SMC3: variants seen among roughly 807,000 people sequenced by gnomAD.
The protein encoded by SMC3 is structural maintenance of chromosomes 3.
SMC3 carries 20 observed loss-of-function variants against 171.8 expected under a neutral mutation model. The observed-to-expected ratio is 0.12, with a 90% confidence interval of 0.08 to 0.17. The LOEUF is 0.17. Among genes scored for constraint, SMC3 ranks in the 10% least tolerant of loss-of-function variants. The probability of loss-of-function intolerance (pLI) is 1.00; values close to 1 mark genes in which losing one functional copy is unlikely to be tolerated. For missense variants in SMC3, 543 were observed against 1,420.4 expected (o/e 0.38, Z 9.93); for synonymous variants, 464 against 451.1 (o/e 1.03, Z -0.36).
At chr10:110,577,146 G>C (rs773339606) in intron 4 of SMC3, among the ~76,000 whole-genome samples, 27 of 152,098 alleles carry the variant, frequency 1.8e-4, no homozygotes, top group Admixed American at 3.9e-4. Flanking sequence ...AGAATCAAAA[G>C]CTATTTGGTT....
chr10:110,585,290 A>ATTTT (rs111694406), intron 13 of SMC3, among the ~76,000 whole-genome samples: 15 of 123,686 alleles, frequency 1.2e-4, no homozygotes, highest in Admixed American at 1.7e-4. Flanking sequence ...GATAGTAACA[A>ATTTT]TTTTTTTTTT....
At chr10:110,576,385 T>C (rs556716173) in intron 4 of SMC3, among the ~76,000 whole-genome samples, 2 of 152,282 alleles carry the variant, frequency 1.3e-5, no homozygotes, top group African/African-American at 4.8e-5. Context: ...ATAAGCACGA[T>C]GATTGGGTTT....
intron 7 of SMC3, among the ~76,000 whole-genome samples, chr10:110,579,852 A>C (rs1274652842): frequency 6.6e-6 from 1 of 152,182 alleles, no homozygotes; most frequent in Non-Finnish European, 1.5e-5. Context: ...GATAATTTCA[A>C]TTTTTTAATG....
chr10:110,567,718 C>T lies in SMC3; in HGVS notation c.-99C>T, dbSNP rs148267784. On this transcript the variant is annotated 5_prime_UTR_variant, in exon 1 of 29. Coordinates refer to ENST00000361804, the MANE Select transcript of SMC3 (RefSeq NM_005445.4). The stretch of plus-strand genomic sequence containing the variant: ...TTGTTTGGCTGAGGGGAGCGAGCGG[C>T]GCTTTGGGGGAGGGGTCGCGTAGGC... 94 of 1,451,822 alleles carry T rather than the reference C, an allele frequency of 6.5e-5. 1 individual carries two copies. The East Asian group carries it at 2.0e-3, about 31-fold the overall frequency. The allele number at this position is 1,451,822 out of a possible 1,614,324, so 89.9% of individuals were successfully genotyped here.
At position 110,591,131 on chromosome 10, in the gene SMC3, A is replaced by G. The variant is rs571241713; in HGVS notation, c.1811A>G (p.Asn604Ser). The G allele has an allele frequency of 6.2e-6, 10 of 1,613,442 alleles. No homozygotes were observed. Among genetic ancestry groups the G allele is most frequent in the Admixed American group, 1.7e-5 (1 of 60,028 alleles). ...DVRDTAYPET[N>S]DAIPMISKLR... Reference sequence around the variant, plus strand: ...AGGGATACAGCCTATCCTGAAACCAATGTGAGTCATTGTGTGATAAGGTGT... The same window carrying G: ...AGGGATACAGCCTATCCTGAAACCAGTGTGAGTCATTGTGTGATAAGGTGT... The change falls in exon 17 of 29, where the codon AAT becomes AGT. Residue 604 changes from asparagine (N) to serine (S), a missense_variant and splice_region_variant. Around this residue, in one of 8 missense-constraint regions of SMC3, gnomAD observed 218 missense variants for 509.6 expected, o/e 0.43. Coordinates refer to ENST00000361804, the MANE Select transcript of SMC3 (RefSeq NM_005445.4).
At chr10:110,600,863 CT>C (rs1046674215) in intron 22 of SMC3, among the ~76,000 whole-genome samples, 158 bp from the exon 23 acceptor site, 4 of 151,814 alleles carry the variant, frequency 2.6e-5, no homozygotes, top group East Asian at 1.9e-4. Context: ...GTAATTGTGT[CT>C]TTTTTTTCTT....
intron 21 of SMC3, 62 bp downstream of exon 21, chr10:110,599,874 T>TTC: frequency 6.8e-7 from 1 of 1,480,310 alleles, no homozygotes; most frequent in South Asian, 1.1e-5. Flanking sequence ...AAAAGGGCCT[T>TTC]TCTTGCTAAC....
At chr10:110,582,166 C>A in intron 9 of SMC3, 68 bp downstream of exon 9, 1 of 1,291,042 alleles carries the variant, frequency 7.7e-7, no homozygotes, top group Non-Finnish European at 1.1e-6. Flanking sequence ...TAAACTCAGG[C>A]CATAATTACA....
chr10:110,602,271 T>C, intron 25 of SMC3, 93 bp downstream of exon 25: 1 of 1,195,110 alleles, frequency 8.4e-7, no homozygotes, highest in South Asian at 1.3e-5. Flanking sequence ...GTTTTCCTCA[T>C]TACCAGGTGA....
chr10:110,597,755 T>C (rs1409167692), intron 19 of SMC3, among the ~76,000 whole-genome samples: 1 of 152,258 alleles, frequency 6.6e-6, no homozygotes, highest in Non-Finnish European at 1.5e-5. Flanking sequence ...GCAAGAACTC[T>C]TCATACATAA....
At position 110,577,501 on chromosome 10, in the gene SMC3, CTTTTTTTTTAAAGTAAT is replaced by C. The variant is rs1564788842; in HGVS notation, c.270+10_270+26del. 6.3e-7 allele frequency: 1 copy of C among 1,577,716 alleles called. No homozygotes were observed. The highest frequency in any genetic ancestry group is 1.4e-5 in the African/African-American group (1 of 73,932). On this transcript the variant is annotated intron_variant, in intron 5 of 28. Transcript: ENST00000361804. ...CAGACAACCGGTTACCAGTAAGTAA[CTTTTTTTTTAAAGTAAT>C]GTTGAGAATTTAATTGGTTTAGCTG...
chr10:110,569,657 C>T (rs148581438), intron 2 of SMC3, among the ~76,000 whole-genome samples: 1,611 of 152,152 alleles, frequency 0.011, 26 homozygotes, highest in Admixed American at 0.045. Context: ...TTGTGGCACA[C>T]GTTCTTTTTC....
chr10:110,569,076 A>G (rs775347854), intron 2 of SMC3, 63 bp downstream of exon 2: 1 of 1,047,908 alleles, frequency 9.5e-7, no homozygotes, highest in Non-Finnish European at 1.5e-6. Context: ...AATTCTGTCC[A>G]TTTCTATATT....
chr10:110,598,427 C>CA (rs1861333542), intron 20 of SMC3, 137 bp downstream of exon 20: 2 of 894,694 alleles, frequency 2.2e-6, no homozygotes, highest in Middle Eastern at 3.4e-4. Context: ...TTTTTGAAGA[C>CA]AGAGTCTCTT....
chr10:110,598,469 C>T (rs887003952), intron 20 of SMC3, among the ~76,000 whole-genome samples, 179 bp downstream of exon 20: 5 of 151,518 alleles, frequency 3.3e-5, no homozygotes, highest in East Asian at 1.9e-4. Flanking sequence ...TGCAGTGGTG[C>T]GTTCTCAGCT....
intron 2 of SMC3, among the ~76,000 whole-genome samples, chr10:110,570,722 A>G (rs1037003801): frequency 3.3e-5 from 5 of 152,168 alleles, no homozygotes; most frequent in African/African-American, 1.2e-4. Context: ...ATCAAATACC[A>G]TTGTTTTAGC....
chr10:110,588,178 G>T lies in SMC3; in HGVS notation c.1306-1427G>T, dbSNP rs150271662. On this transcript the variant is annotated intron_variant, in intron 13 of 28. Coordinates refer to ENST00000361804, the MANE Select transcript of SMC3 (RefSeq NM_005445.4). ...GGCTAATTTTTGTATTTTCAGTAGAGACGGGGTTTCACGATGTTGCCCAGG... is the reference window on the plus strand; with the variant it reads ...GGCTAATTTTTGTATTTTCAGTAGATACGGGGTTTCACGATGTTGCCCAGG... 8.1e-3 allele frequency among the ~76,000 whole-genome samples: 1,236 copies of T among 152,226 alleles called. 26 individuals are homozygous for T. Among genetic ancestry groups the T allele is most frequent in the African/African-American group, 0.028 (1,181 of 41,522 alleles).
intron 17 of SMC3, among the ~76,000 whole-genome samples, chr10:110,592,145 ATC>A (rs1317954896): frequency 2.0e-5 from 3 of 152,118 alleles, no homozygotes; most frequent in Non-Finnish European, 4.4e-5. Flanking sequence ...GGCACCTGTA[ATC>A]CCAGGTACTT....
chr10:110,605,369 A>G lies in SMC3; in HGVS notation c.*1067A>G, dbSNP rs1861452856. Reference sequence around the variant, plus strand: ...GATTTTCTACATAGACAGTCATGTCATTTGCAAGAAAGAGGCAGTTTTATT... The same window carrying G: ...GATTTTCTACATAGACAGTCATGTCGTTTGCAAGAAAGAGGCAGTTTTATT... On this transcript the variant is annotated 3_prime_UTR_variant, in exon 29 of 29. Transcript: ENST00000361804. Among the ~76,000 whole-genome samples the G allele has an allele frequency of 6.6e-6, 1 of 152,128 alleles. No individual in the cohort carries two copies. The highest frequency in any genetic ancestry group is 1.5e-5 in the Non-Finnish European group (1 of 68,014).
Sources: allele counts gnomAD v4.1 joint callset (sites outside exome capture counted in the v4.1 genomes callset), GRCh38; gene constraint gnomAD v4.1.1; regional missense constraint gnomAD v4.1.1; transcripts MANE v1.5; gene names NCBI Gene and HGNC (gene_info 2026-07-23, HGNC 2026-07-21).